The following SOX5 variants were observed in gnomAD, a reference collection of about 807,000 sequenced individuals.
SOX5 encodes the protein transcription factor SOX-5.
In SOX5, 9 loss-of-function variants were observed where a neutral mutation model predicts 92.0. The ratio of observed to expected loss-of-function variants is 0.10; its 90% CI spans 0.06 to 0.17. SOX5 has a LOEUF of 0.17. Among genes scored for constraint, SOX5 ranks in the 10% least tolerant of loss-of-function variants. SOX5 has a pLI of 1.00. For synonymous variants in SOX5, 344 were observed against 336.3 expected (o/e 1.02, Z -0.25); for missense variants, 642 against 944.5 (o/e 0.68, Z 4.20).
chr12:24,468,958 G>A (rs1224114046), intron 1 of SOX5, among the ~76,000 whole-genome samples: 1 of 152,106 alleles, frequency 6.6e-6, no homozygotes, highest in Non-Finnish European at 1.5e-5. Flanking sequence ...GTGGAAGGAT[G>A]GTTTGAGGAT....
chr12:24,382,987 T>C (rs1957989846), intron 1 of SOX5, among the ~76,000 whole-genome samples: 1 of 152,074 alleles, frequency 6.6e-6, no homozygotes. Flanking sequence ...AGAAACGAGG[T>C]TGCAATGTAA....
chr12:23,584,057 C>T (rs1395148694), intron 9 of SOX5, among the ~76,000 whole-genome samples: 1 of 152,074 alleles, frequency 6.6e-6, no homozygotes, highest in Non-Finnish European at 1.5e-5. Context: ...TCCACCTGAA[C>T]CTAAATGTAC....
At chr12:23,758,388 GTT>G (rs61280264) in intron 3 of SOX5, among the ~76,000 whole-genome samples, 1 of 144,102 alleles carries the variant, frequency 6.9e-6, no homozygotes, top group African/African-American at 2.5e-5. Flanking sequence ...CTTGAACTAA[GTT>G]TTTTTTTTTT....
chr12:23,843,284 C>G (rs189012223), intron 3 of SOX5, among the ~76,000 whole-genome samples: 2 of 152,104 alleles, frequency 1.3e-5, no homozygotes, highest in African/African-American at 4.8e-5. Context: ...AAAAAGCACA[C>G]TTGGTGAAAA....
chr12:23,846,345 G>A, intron 2 of SOX5, 152 bp from the exon 3 acceptor site: 1 of 644,366 alleles, frequency 1.6e-6, no homozygotes, highest in Non-Finnish European at 2.7e-6. Flanking sequence ...TTATTCAGCT[G>A]AAAGATTAAA....
intron 2 of SOX5, among the ~76,000 whole-genome samples, chr12:23,893,862 C>G (rs1469308447): frequency 6.6e-6 from 1 of 152,170 alleles, no homozygotes; most frequent in Non-Finnish European, 1.5e-5. Context: ...TTGTACATAA[C>G]TTACGTAAGC....
chr12:24,326,638 GT>G (rs1431354560), intron 2 of SOX5, among the ~76,000 whole-genome samples: 1 of 152,120 alleles, frequency 6.6e-6, no homozygotes, highest in Admixed American at 6.6e-5. Flanking sequence ...TACCTTGAAT[GT>G]TCATCTCAGA....
At chr12:23,642,157 A>G (rs1472168860) in intron 7 of SOX5, among the ~76,000 whole-genome samples, 4 of 152,018 alleles carry the variant, frequency 2.6e-5, no homozygotes, top group Non-Finnish European at 5.9e-5. Context: ...TCACTTTTCT[A>G]CCTAAGTGTG....
intron 6 of SOX5, among the ~76,000 whole-genome samples, chr12:23,691,728 T>C (rs1207787692): frequency 6.6e-6 from 1 of 152,190 alleles, no homozygotes; most frequent in Non-Finnish European, 1.5e-5. Context: ...TTTTTATTCT[T>C]TGTATTATGT....
intron 4 of SOX5, among the ~76,000 whole-genome samples, chr12:24,187,155 G>A (rs926529233): frequency 2.6e-5 from 4 of 152,082 alleles, no homozygotes; most frequent in Admixed American, 1.3e-4. Flanking sequence ...TTTACTTTGC[G>A]TGGCTCAGAA....
intron 3 of SOX5, among the ~76,000 whole-genome samples, chr12:23,793,682 C>G (rs1261945149): frequency 6.6e-6 from 1 of 152,142 alleles, no homozygotes; most frequent in East Asian, 1.9e-4. Flanking sequence ...CCGAACTTAA[C>G]ACAAAAATTA....
At chr12:23,968,653 T>C (rs963971869) in intron 4 of SOX5, among the ~76,000 whole-genome samples, 2 of 152,198 alleles carry the variant, frequency 1.3e-5, no homozygotes, top group Non-Finnish European at 2.9e-5. Context: ...AGCCAATAAA[T>C]TTCTTTTCAT....
chr12:23,823,254 C>A (rs758183153), intron 3 of SOX5, among the ~76,000 whole-genome samples: 5 of 152,036 alleles, frequency 3.3e-5, no homozygotes, highest in Non-Finnish European at 5.9e-5. Flanking sequence ...TGGCTGGTAC[C>A]CATTTTTCCT....
At chr12:24,071,787 C>T (rs912811321) in intron 4 of SOX5, among the ~76,000 whole-genome samples, 7 of 152,122 alleles carry the variant, frequency 4.6e-5, no homozygotes, top group African/African-American at 1.2e-4. Context: ...TCAATAAATA[C>T]GTGGCAAATC....
chr12:24,097,946 T>A (rs1460475247), intron 4 of SOX5, among the ~76,000 whole-genome samples: 1 of 150,612 alleles, frequency 6.6e-6, no homozygotes, highest in Non-Finnish European at 1.5e-5. Context: ...CTGTTACAAT[T>A]TTTTCAGAGA....
intron 4 of SOX5, among the ~76,000 whole-genome samples, chr12:24,108,142 T>A (rs1995183): frequency 0.34 from 51,387 of 152,048 alleles, 9,705 homozygotes; most frequent in East Asian, 0.57. Flanking sequence ...TCTGTGTAAG[T>A]TGCATTACAT....
chr12:23,822,692 T>C (rs987888211), intron 3 of SOX5, among the ~76,000 whole-genome samples: 1 of 152,192 alleles, frequency 6.6e-6, no homozygotes, highest in East Asian at 1.9e-4. Flanking sequence ...TTCTGTCTTG[T>C]TGATCTAATA....
intron 5 of SOX5, among the ~76,000 whole-genome samples, chr12:23,736,445 G>A (rs2093597690): frequency 6.6e-6 from 1 of 151,954 alleles, no homozygotes; most frequent in African/African-American, 2.4e-5. Context: ...CTGGGTGACA[G>A]AGCGAGACTC....
At chr12:24,235,666 A>T (rs1964331306) in intron 3 of SOX5, among the ~76,000 whole-genome samples, 1 of 152,214 alleles carries the variant, frequency 6.6e-6, no homozygotes, top group Admixed American at 6.5e-5. Flanking sequence ...TATGAACTTA[A>T]TTTTTTATGA....
Sources: gnomAD v4.1 joint callset for allele counts (sites outside exome capture counted in the v4.1 genomes callset) on GRCh38, gnomAD v4.1.1 for gene constraint, MANE v1.5 for transcripts, NCBI Gene and HGNC (gene_info 2026-07-23, HGNC 2026-07-21) for gene names.